The following BORCS5 variants were observed in gnomAD, a reference collection of about 807,000 sequenced individuals.
BORCS5 encodes the protein BLOC-1 related complex subunit 5, also known as BLOC-1-related complex subunit 5.
BORCS5 carries 17 observed loss-of-function variants against 22.1 expected under a neutral mutation model. That is an observed-to-expected ratio of 0.77 (90% CI 0.53 to 1.15). The LOEUF is 1.15. Among genes scored for constraint, BORCS5 ranks in the 50% most tolerant of loss-of-function variants. BORCS5 has a pLI of 0.00. For synonymous variants in BORCS5, 117 were observed against 99.8 expected (o/e 1.17, Z -1.03); for missense variants, 247 against 253.2 (o/e 0.98, Z 0.17).
At chr12:12,435,428 C>G (rs550658666) in intron 2 of BORCS5, among the ~76,000 whole-genome samples, 200 bp from the exon 3 acceptor site, 2 of 152,254 alleles carry the variant, frequency 1.3e-5, no homozygotes, top group African/African-American at 4.8e-5. Context: ...AAATCGTGCA[C>G]AAGAAGCACT....
At chr12:12,457,294 T>C (rs1357586036) in intron 3 of BORCS5, among the ~76,000 whole-genome samples, 2 of 152,264 alleles carry the variant, frequency 1.3e-5, no homozygotes, top group African/African-American at 4.8e-5. Flanking sequence ...ATCAGTCATC[T>C]GCAGAAGCAA....
rs560341783 is a variant in BORCS5 at position 12,373,959 on chromosome 12, A to G, written c.202+12610A>G. On this transcript the variant is annotated intron_variant, in intron 2 of 3. Coordinates refer to ENST00000314565, the MANE Select transcript of BORCS5 (RefSeq NM_058169.6). ...TGAATAGCAGGTAGCTACATAGAGA[A>G]GGCAGGGTTGCAGAGAGTATTCTTT... 1.5e-4 allele frequency among the ~76,000 whole-genome samples: 22 copies of G among 150,038 alleles called. No individual in the cohort carries two copies. In the South Asian group the frequency reaches 3.8e-3, roughly 26 times the overall value.
chr12:12,370,415 CAT>C (rs1198322366), intron 2 of BORCS5, among the ~76,000 whole-genome samples: 2 of 152,082 alleles, frequency 1.3e-5, no homozygotes, highest in Non-Finnish European at 2.9e-5. Flanking sequence ...TTTTTGAAGA[CAT>C]ATTGTGAGAC....
rs368486130 is a variant in BORCS5 at position 12,452,225 on chromosome 12, C to T, written c.361-13321C>T. 1.2e-5 allele frequency: 8 copies of T among 675,078 alleles called. No homozygotes were observed. In the East Asian group the frequency reaches 2.5e-4, roughly 21 times the overall value. 41.8% of individuals were successfully genotyped at this position (675,078 alleles called of 1,614,324 possible). A position where few individuals can be genotyped will look rare whatever the true frequency, so the allele number is the denominator to read the frequency against. On this transcript the variant is annotated intron_variant, in intron 3 of 3. Transcript: ENST00000314565. ...CAGGTTCAGCACAGGCTGAAGCTCC[C>T]CCTCAGCCAGCCTCAGATTTTTCCA...
At chr12:12,460,952 G>A (rs1943092530) in intron 3 of BORCS5, among the ~76,000 whole-genome samples, 1 of 152,092 alleles carries the variant, frequency 6.6e-6, no homozygotes, top group South Asian at 2.1e-4. Flanking sequence ...ATCCATATAA[G>A]GTATTTGGAA....
At chr12:12,427,172 C>G (rs931578569) in intron 2 of BORCS5, among the ~76,000 whole-genome samples, 1 of 84,488 alleles carries the variant, frequency 1.2e-5, no homozygotes, top group East Asian at 3.4e-4. Context: ...TCTTTCTTTT[C>G]TTTTTTTTTT....
chr12:12,359,825 A>G (rs1863237588), intron 1 of BORCS5, among the ~76,000 whole-genome samples: 1 of 152,034 alleles, frequency 6.6e-6, no homozygotes, highest in Non-Finnish European at 1.5e-5. Context: ...TGTCGCAGAG[A>G]TGGGCCTTGT....
At chr12:12,418,576 A>G (rs544385615) in intron 2 of BORCS5, among the ~76,000 whole-genome samples, 7 of 152,290 alleles carry the variant, frequency 4.6e-5, no homozygotes, top group African/African-American at 1.7e-4. Flanking sequence ...AGTCCCAGCT[A>G]CTTGGGAGTC....
intron 2 of BORCS5, among the ~76,000 whole-genome samples, chr12:12,408,431 TTAAGTA>T (rs1177208029): frequency 3.9e-5 from 6 of 152,226 alleles, no homozygotes; most frequent in African/African-American, 1.4e-4. Flanking sequence ...GTAACTATTT[TTAAGTA>T]TAAGTTCAGT....
intron 2 of BORCS5, among the ~76,000 whole-genome samples, chr12:12,429,765 C>T (rs1341441524): frequency 6.6e-6 from 1 of 152,148 alleles, no homozygotes; most frequent in Non-Finnish European, 1.5e-5. Flanking sequence ...GGTTCTGGGC[C>T]CTCTGCTTCA....
At position 12,418,682 on chromosome 12, in the gene BORCS5, C is replaced by G. The variant is rs116075631; in HGVS notation, c.203-16946C>G. 2.0e-5 allele frequency among the ~76,000 whole-genome samples: 3 copies of G among 152,248 alleles called. No individual in the cohort carries two copies. In the South Asian group the frequency reaches 6.2e-4, roughly 32 times the overall value. On this transcript the variant is annotated intron_variant, in intron 2 of 3. Coordinates refer to ENST00000314565, the MANE Select transcript of BORCS5 (RefSeq NM_058169.6). ...AGCCTGGGTAACAGCGTGAGACTCT[C>G]TTTCAGTATAGCTCTTTTGGTTACT...
At chr12:12,436,257 T>C (rs1942552602) in intron 3 of BORCS5, among the ~76,000 whole-genome samples, 1 of 152,238 alleles carries the variant, frequency 6.6e-6, no homozygotes, top group Admixed American at 6.5e-5. Context: ...CTCCAGTGAT[T>C]CTTAATGGTT....
intron 3 of BORCS5, among the ~76,000 whole-genome samples, chr12:12,446,712 T>C (rs1381232857): frequency 6.6e-6 from 1 of 152,224 alleles, no homozygotes; most frequent in East Asian, 1.9e-4. Flanking sequence ...TATAAGACTT[T>C]AGTTGACGTC....
At chr12:12,393,933 T>C (rs2136063104) in intron 2 of BORCS5, among the ~76,000 whole-genome samples, 1 of 152,190 alleles carries the variant, frequency 6.6e-6, no homozygotes, top group Middle Eastern at 3.4e-3. Flanking sequence ...TACAATTTGG[T>C]ACAGATCAGG....
At chr12:12,453,015 C>T (rs1220178092) in intron 3 of BORCS5, among the ~76,000 whole-genome samples, 1 of 152,148 alleles carries the variant, frequency 6.6e-6, no homozygotes, top group East Asian at 1.9e-4. Flanking sequence ...CAGCTAATAC[C>T]ATGAGTCAAA....
chr12:12,451,233 T>A (rs368735235), intron 3 of BORCS5, among the ~76,000 whole-genome samples: 82 of 152,082 alleles, frequency 5.4e-4, no homozygotes, highest in African/African-American at 1.8e-3. Flanking sequence ...GTAAAAAAAA[T>A]TATTGCTAAA....
At chr12:12,398,165 G>T (rs1341384850) in intron 2 of BORCS5, among the ~76,000 whole-genome samples, 2 of 152,212 alleles carry the variant, frequency 1.3e-5, no homozygotes, top group Non-Finnish European at 2.9e-5. Context: ...GGAAAACAAT[G>T]CAGTGAGTAA....
At chr12:12,393,207 C>T (rs1481002686) in intron 2 of BORCS5, among the ~76,000 whole-genome samples, 1 of 152,034 alleles carries the variant, frequency 6.6e-6, no homozygotes, top group Non-Finnish European at 1.5e-5. Flanking sequence ...TGCACTCCAG[C>T]CTGGGTGACA....
At chr12:12,421,598 A>T (rs576306098) in intron 2 of BORCS5, among the ~76,000 whole-genome samples, 5 of 152,014 alleles carry the variant, frequency 3.3e-5, no homozygotes, top group Non-Finnish European at 5.9e-5. Context: ...CTCTTTTTCT[A>T]TTGATTGGAA....
Sources: allele counts gnomAD v4.1 joint callset (sites outside exome capture counted in the v4.1 genomes callset), GRCh38; gene constraint gnomAD v4.1.1; transcripts MANE v1.5; gene names NCBI Gene and HGNC (gene_info 2026-07-23, HGNC 2026-07-21).